The following NLRP1 variants were observed in gnomAD, a reference collection of about 807,000 sequenced individuals.
NLRP1 encodes NACHT, LRR and PYD domains-containing protein 1.
In NLRP1, 94 loss-of-function variants were observed where a neutral mutation model predicts 136.7. The observed-to-expected ratio is 0.69, with a 90% confidence interval of 0.58 to 0.82. NLRP1 has a LOEUF of 0.82. Among genes scored for constraint, NLRP1 ranks in the 40% least tolerant of loss-of-function variants. NLRP1 has a pLI of 0.00. For missense variants in NLRP1, 1,575 were observed against 1,802.7 expected (o/e 0.87, Z 2.29); for synonymous variants, 690 against 725.1 (o/e 0.95, Z 0.78).
chr17:5,579,326 A>C (rs149284097), intron 3 of NLRP1, among the ~76,000 whole-genome samples: 2 of 152,246 alleles, frequency 1.3e-5, no homozygotes, highest in African/African-American at 4.8e-5. Flanking sequence ...TGAAGGCCAG[A>C]ATAGAATAAA....
At chr17:5,511,770 TC>T (rs1567626633), downstream of NLRP1, among the ~76,000 whole-genome samples, 5 of 145,242 alleles carry the variant, frequency 3.4e-5, no homozygotes, top group East Asian at 1.0e-3. Flanking sequence ...TCTTTCTCTT[TC>T]TCTTTCTTCT....
intron 3 of NLRP1, among the ~76,000 whole-genome samples, chr17:5,578,629 G>A (rs1392678828): frequency 6.6e-6 from 1 of 152,232 alleles, no homozygotes; most frequent in Non-Finnish European, 1.5e-5. Flanking sequence ...TGGAGAGGAT[G>A]TGGAGAAATA....
At chr17:5,581,798 T>C (rs980205834) in intron 3 of NLRP1, 61 bp downstream of exon 3, 2 of 1,372,492 alleles carry the variant, frequency 1.5e-6, no homozygotes, top group Non-Finnish European at 2.1e-6. Context: ...CAGGGGACTC[T>C]TTGTCCATAC....
chr17:5,531,774 C>T (rs1910302144), intron 11 of NLRP1, among the ~76,000 whole-genome samples: 1 of 152,152 alleles, frequency 6.6e-6, no homozygotes, highest in Non-Finnish European at 1.5e-5. Context: ...CGACTGTAAG[C>T]CCTGGGAGGG....
chr17:5,563,890 A>G (rs984187419), intron 3 of NLRP1, among the ~76,000 whole-genome samples: 21 of 152,336 alleles, frequency 1.4e-4, no homozygotes, highest in Middle Eastern at 3.4e-3. Flanking sequence ...GCAGCTAGAC[A>G]CAGAAGGGGC....
chr17:5,559,803 C>T lies in NLRP1; in HGVS notation c.893G>A (p.Arg298Lys). 1 of 1,614,258 alleles carries T rather than the reference C, an allele frequency of 6.2e-7. No homozygotes were observed. Among genetic ancestry groups the T allele is most frequent in the Non-Finnish European group, 8.5e-7 (1 of 1,180,044 alleles). The change falls in exon 4 of 17, where the codon AGA becomes AAA. Residue 298 changes from arginine (R) to lysine (K), a missense_variant. By Grantham distance (26) the Arg-to-Lys change is conservative. Transcript: ENST00000572272. Reference protein sequence around the residue: ...HPRSQDPLVKRSWPDYVEENR... With the variant: ...HPRSQDPLVKKSWPDYVEENR... ...CTCCTCCACATAATCAGGCCAGCTT[C>T]TCTTGACCAGGGGATCTTGGCTTCT...
At position 5,539,326 on chromosome 17, in the gene NLRP1, C is replaced by A. The variant is rs563483868; in HGVS notation, c.2870+89G>T. ...AGAGCTGGTAAGAAACTTGGGTTGG[C>A]TATGCATTTATCAGTCCTTTTTCCA... is the stretch of plus-strand genomic sequence containing the variant. On this transcript the variant is annotated intron_variant, in intron 7 of 16. Coordinates refer to ENST00000572272, the MANE Select transcript of NLRP1 (RefSeq NM_033004.4). 7 of 1,280,810 alleles carry A rather than the reference C, an allele frequency of 5.5e-6. No individual in the cohort carries two copies. In the African/African-American group the frequency reaches 1.0e-4, roughly 19 times the overall value. 79.3% of individuals were successfully genotyped at this position (1,280,810 alleles called of 1,614,324 possible). A position where few individuals can be genotyped will look rare whatever the true frequency, so the allele number is the denominator to read the frequency against.
At chr17:5,517,672 C>T in intron 15 of NLRP1, 74 bp downstream of exon 15, 1 of 1,553,250 alleles carries the variant, frequency 6.4e-7, no homozygotes, top group Non-Finnish European at 8.8e-7. Flanking sequence ...AGGCGTGAGC[C>T]ACTGTGCCCA....
chr17:5,559,988 C>T lies in NLRP1; in HGVS notation c.708G>A (p.Ala236=), dbSNP rs767399315. 41 of 1,606,090 alleles carry T rather than the reference C, an allele frequency of 2.6e-5. No homozygotes were observed. In the Admixed American group the frequency reaches 3.9e-4, roughly 15 times the overall value. The change falls in exon 4 of 17, where the codon GCG becomes GCA. Residue 236 remains alanine (A), a synonymous_variant. Coordinates refer to ENST00000572272, the MANE Select transcript of NLRP1 (RefSeq NM_033004.4). ...GCGCCTGTGGGGGCGTTCCTACCAC[C>T]GCTGCCCATGGGGGCCTGCCTTTCT... The part of the protein sequence containing the change: ...KSEKGRPPWA[A]VVGTPPQAHT...
intron 8 of NLRP1, among the ~76,000 whole-genome samples, chr17:5,536,608 G>A (rs1043062693): frequency 2.0e-5 from 3 of 152,092 alleles, no homozygotes; most frequent in South Asian, 4.2e-4. Context: ...CCGCCACCAC[G>A]CCTGGCTAAT....
chr17:5,521,086 G>A, intron 13 of NLRP1, 74 bp from the exon 14 acceptor site: 2 of 1,429,944 alleles, frequency 1.4e-6, no homozygotes, highest in Middle Eastern at 3.6e-4. Flanking sequence ...GGGGGATGGT[G>A]CATCTGTGTG....
At chr17:5,549,290 T>C (rs1489214995) in intron 5 of NLRP1, among the ~76,000 whole-genome samples, 4 of 152,204 alleles carry the variant, frequency 2.6e-5, no homozygotes, top group Non-Finnish European at 5.9e-5. Context: ...TTTTTTTTTT[T>C]TCTTTTTCAA....
chr17:5,518,058 G>A lies in NLRP1; in HGVS notation c.3916-171C>T, dbSNP rs1597393914. The A allele has an allele frequency of 7.9e-6, 5 of 629,850 alleles. No homozygotes were observed. In the East Asian group the frequency reaches 1.4e-4, roughly 18 times the overall value. The allele number at this position is 629,850 out of a possible 1,614,324, so 39.0% of individuals were successfully genotyped here. ...CTCTTTTCCCAATTTTCCACAGAAG[G>A]ATGAGGACACAACTGAGTACCTCAC... is the stretch of plus-strand genomic sequence containing the variant. On this transcript the variant is annotated intron_variant, in intron 14 of 16. Coordinates refer to ENST00000572272, the MANE Select transcript of NLRP1 (RefSeq NM_033004.4).
chr17:5,554,801 C>T (rs1046981917), intron 4 of NLRP1, among the ~76,000 whole-genome samples: 3 of 151,978 alleles, frequency 2.0e-5, no homozygotes, highest in Non-Finnish European at 4.4e-5. Flanking sequence ...GCAGGAGGAT[C>T]GATTGAGCCC....
At chr17:5,524,313 GC>G (rs1165739545) in intron 12 of NLRP1, among the ~76,000 whole-genome samples, 1 of 152,176 alleles carries the variant, frequency 6.6e-6, no homozygotes, top group Non-Finnish European at 1.5e-5. Context: ...TTAACTTGCT[GC>G]AAGGATGTCA....
intron 3 of NLRP1, among the ~76,000 whole-genome samples, chr17:5,580,234 CAA>C (rs2151828906): frequency 6.6e-6 from 1 of 151,956 alleles, no homozygotes; most frequent in South Asian, 2.1e-4. Flanking sequence ...GACTCTGTCT[CAA>C]AACAAAACAC....
intron 15 of NLRP1, among the ~76,000 whole-genome samples, chr17:5,517,350 A>ACCACCCC: frequency 2.1e-5 from 1 of 47,380 alleles, no homozygotes; most frequent in Non-Finnish European, 4.2e-5. Context: ...TGCACTCTGC[A>ACCACCCC]CCCCCCCCCC....
At chr17:5,542,992 G>A (rs916429203) in intron 5 of NLRP1, among the ~76,000 whole-genome samples, 1 of 152,142 alleles carries the variant, frequency 6.6e-6, no homozygotes, top group African/African-American at 2.4e-5. Flanking sequence ...ACCATGCCCG[G>A]CTAATTTTTG....
At chr17:5,560,146 G>A (rs745483938) in intron 3 of NLRP1, 103 bp from the exon 4 acceptor site, 87 of 1,047,128 alleles carry the variant, frequency 8.3e-5, no homozygotes, top group Non-Finnish European at 6.7e-5. Context: ...CACACACTGC[G>A]CTGTCTGCAG....
Sources: allele counts gnomAD v4.1 joint callset (sites outside exome capture counted in the v4.1 genomes callset), GRCh38; gene constraint gnomAD v4.1.1; transcripts MANE v1.5; gene names NCBI Gene and HGNC (gene_info 2026-07-23, HGNC 2026-07-21).